TTC38: variants seen among roughly 807,000 people sequenced by gnomAD.
TTC38 encodes tetratricopeptide repeat protein 38.
Under a neutral mutation model 64.2 loss-of-function variants are expected in TTC38, and 64 were observed. That is an observed-to-expected ratio of 1.00 (90% CI 0.81 to 1.23). The LOEUF (loss-of-function observed/expected upper bound fraction) is 1.23, where lower values mean the gene tolerates loss of function less well. Among genes scored for constraint, TTC38 ranks in the 50% most tolerant of loss-of-function variants. The probability of loss-of-function intolerance (pLI) is 0.00; values close to 1 mark genes in which losing one functional copy is unlikely to be tolerated. For missense variants in TTC38, 573 were observed against 615.5 expected, an observed-to-expected ratio of 0.93 and a Z score of 0.73; for synonymous variants, 254 against 249.3, an observed-to-expected ratio of 1.02 and a Z score of -0.18.
Position 46,281,880 on chromosome 22 carries a change from A to C in TTC38, c.735+162A>C. On this transcript the variant is annotated intron_variant, in intron 7 of 13. Transcript: ENST00000381031. The surrounding 1 kb of genome is among the most constrained non-coding windows in gnomAD (Gnocchi z 5.2). ...CTCAGGTGTTTGGCTGCTGAGCAGA[A>C]TGCAATCAAGATTCCAGTCCCCACC... 1.0e-6 allele frequency: 1 copy of C among 961,962 alleles called. No homozygotes were observed. The highest frequency in any genetic ancestry group is 1.6e-6 in the Non-Finnish European group (1 of 626,788). The allele number at this position is 961,962 out of a possible 1,614,324, so 59.6% of individuals were successfully genotyped here. A position where few individuals can be genotyped will look rare whatever the true frequency, so the allele number is the denominator to read the frequency against.
At chr22:46,279,788 G>A (rs919909069) in intron 6 of TTC38, among the ~76,000 whole-genome samples, 3 of 152,186 alleles carry the variant, frequency 2.0e-5, no homozygotes, top group African/African-American at 7.2e-5. Context: ...TGGGTGACCA[G>A]ACAGCACCAT....
rs544502220 is a variant in TTC38 at position 46,273,427 on chromosome 22, G to A, written c.194-471G>A. Among the ~76,000 whole-genome samples, 269 of 152,328 alleles carry A rather than the reference G, an allele frequency of 1.8e-3. No homozygotes were observed. The highest frequency in any genetic ancestry group is 3.7e-3 in the South Asian group (18 of 4,826). On this transcript the variant is annotated intron_variant, in intron 3 of 13. Coordinates refer to ENST00000381031, the MANE Select transcript of TTC38 (RefSeq NM_017931.4). The surrounding 1 kb of genome is among the most constrained non-coding windows in gnomAD (Gnocchi z 5.1). ...CTCCTGCCAGCAAGGCTGCTGCGAG[G>A]GCCACAAGGCACTCACCCCCACCCT...
In TTC38 at chr22:46,292,814, C is replaced by T. The variant is rs776748245; in HGVS notation, c.1340C>T (p.Ala447Val). Residue 447 changes from alanine to valine, a missense_variant, in exon 14 of 14, where the codon GCC becomes GTC. Physicochemically the swap from Ala to Val is moderately conservative, Grantham distance 64. Around this residue, in one of 3 missense-constraint regions of TTC38, gnomAD observed 371 missense variants for 381.8 expected, o/e 0.97. Transcript: ENST00000381031. The surrounding 1 kb of genome is among the most constrained non-coding windows in gnomAD (Gnocchi z 6.5). ...AGGAGCCTTCTGATGGAGCGTGATGCCTTGAAGCCCAACTCGCCCCTGACC... is the reference window on the plus strand; with the variant it reads ...AGGAGCCTTCTGATGGAGCGTGATGTCTTGAAGCCCAACTCGCCCCTGACC... ...VARSLLMERD[A>V]LKPNSPLTER... The T allele has an allele frequency of 8.1e-6, 13 of 1,614,020 alleles. No individual in the cohort carries two copies. Among genetic ancestry groups the T allele is most frequent in the African/African-American group, 1.3e-5 (1 of 75,068 alleles).
At chr22:46,283,096 T>A (rs1003088653) in intron 7 of TTC38, among the ~76,000 whole-genome samples, 1 of 151,218 alleles carries the variant, frequency 6.6e-6, no homozygotes, top group Non-Finnish European at 1.5e-5. Context: ...ACCTGGCTAA[T>A]TAAAAAAATT....
In TTC38 at chr22:46,274,695, C is replaced by G. The variant is rs557832935; in HGVS notation, c.366-553C>G. On this transcript the variant is annotated intron_variant, in intron 4 of 13. Transcript: ENST00000381031. This position sits in a 1 kb window ranked among gnomAD's most constrained non-coding sequence, Gnocchi z 4.8. Reference sequence around the variant, plus strand: ...TCAGAGACTTCCTGTGGCTGTCTCACGGTCTCCACTGGGATTATCTTTGGC... The same window carrying G: ...TCAGAGACTTCCTGTGGCTGTCTCAGGGTCTCCACTGGGATTATCTTTGGC... Among the ~76,000 whole-genome samples the G allele has an allele frequency of 6.6e-6, 1 of 151,400 alleles. No individual in the cohort carries two copies.
Position 46,276,824 on chromosome 22 carries a change from AATAT to A in TTC38, c.539+1417_539+1420del, listed in dbSNP as rs57859102. 1.4e-4 allele frequency among the ~76,000 whole-genome samples: 19 copies of A among 139,556 alleles called. No individual in the cohort carries two copies. Among genetic ancestry groups the A allele is most frequent in the African/African-American group, 5.0e-4 (18 of 36,132 alleles). 91.6% of individuals were successfully genotyped at this position (139,556 alleles called of 152,430 possible). On this transcript the variant is annotated intron_variant, in intron 5 of 13. Transcript: ENST00000381031. This position sits in a 1 kb window ranked among gnomAD's most constrained non-coding sequence, Gnocchi z 4.7. Reference sequence around the variant, plus strand: ...ATTATATATTAAAATATATATATTAAATATATATATATATATAAACATATATATA... The same window carrying A: ...ATTATATATTAAAATATATATATTAAATATATATATATAAACATATATATA...
rs1244846333 is a variant in TTC38 at position 46,291,319 on chromosome 22, A to T, written c.1316+1420A>T. 1.3e-5 allele frequency among the ~76,000 whole-genome samples: 2 copies of T among 151,816 alleles called. No individual in the cohort carries two copies. The highest frequency in any genetic ancestry group is 2.9e-5 in the Non-Finnish European group (2 of 67,960). On this transcript the variant is annotated intron_variant, in intron 13 of 13. Transcript: ENST00000381031. This position sits in a 1 kb window ranked among gnomAD's most constrained non-coding sequence, Gnocchi z 4.6. Reference sequence around the variant, plus strand: ...GTGTGGACAGGAGGGCTGAGGATGGAGCTGGGGTGACATCTGTGGGGCAGT... The same window carrying T: ...GTGTGGACAGGAGGGCTGAGGATGGTGCTGGGGTGACATCTGTGGGGCAGT...
intron 5 of TTC38, among the ~76,000 whole-genome samples, chr22:46,277,649 C>T (rs1293667461): frequency 6.8e-6 from 1 of 147,348 alleles, no homozygotes; most frequent in Non-Finnish European, 1.5e-5. Flanking sequence ...TGGAAGCGTG[C>T]AATTATTCAG....
chr22:46,273,855 C>A lies in TTC38; in HGVS notation c.194-43C>A. On this transcript the variant is annotated intron_variant, in intron 3 of 13. Transcript: ENST00000381031. The surrounding 1 kb of genome is among the most constrained non-coding windows in gnomAD (Gnocchi z 5.1). ...GGAGTCTGGGCTGGGATGGGCTGAGCTGGACCATCTGAACCACCAGCCGTT... is the reference window on the plus strand; with the variant it reads ...GGAGTCTGGGCTGGGATGGGCTGAGATGGACCATCTGAACCACCAGCCGTT... The A allele has an allele frequency of 6.2e-7, 1 of 1,606,700 alleles. No individual in the cohort carries two copies. The highest frequency in any genetic ancestry group is 8.5e-7 in the Non-Finnish European group (1 of 1,174,866).
rs2077493220 is a variant in TTC38, at chr22:46,276,834, T to TAC, written c.539+1414_539+1415insCA. Reference sequence around the variant, plus strand: ...AAAATATATATATTAAATATATATATATATATAAACATATATATATATAAA... The same window carrying TAC: ...AAAATATATATATTAAATATATATATACATATATAAACATATATATATATAAA... On this transcript the variant is annotated intron_variant, in intron 5 of 13. Transcript: ENST00000381031. The surrounding 1 kb of genome is among the most constrained non-coding windows in gnomAD (Gnocchi z 4.7). 6.9e-6 allele frequency among the ~76,000 whole-genome samples: 1 copy of TAC among 143,950 alleles called. No individual in the cohort carries two copies. Among genetic ancestry groups the TAC allele is most frequent in the Admixed American group, 7.0e-5 (1 of 14,270 alleles). 94.4% of individuals were successfully genotyped at this position (143,950 alleles called of 152,430 possible).
chr22:46,281,848 C>G lies in TTC38; in HGVS notation c.735+130C>G, dbSNP rs543886357. On this transcript the variant is annotated intron_variant, in intron 7 of 13. Transcript: ENST00000381031. The surrounding 1 kb of genome is among the most constrained non-coding windows in gnomAD (Gnocchi z 5.2). ...GGGGTTCCCTCTCCTCCTCCACCTGCACCTGCCTCAGGTGTTTGGCTGCTG... is the reference window on the plus strand; with the variant it reads ...GGGGTTCCCTCTCCTCCTCCACCTGGACCTGCCTCAGGTGTTTGGCTGCTG... 6.3e-5 allele frequency: 78 copies of G among 1,230,646 alleles called. 1 individual carries two copies. The highest frequency in any genetic ancestry group is 8.9e-5 in the Non-Finnish European group (76 of 857,370). 76.2% of individuals were successfully genotyped at this position (1,230,646 alleles called of 1,614,324 possible). A position where few individuals can be genotyped will look rare whatever the true frequency, so the allele number is the denominator to read the frequency against.
chr22:46,269,128 C>T (rs1936836496), intron 2 of TTC38: 2 of 439,624 alleles, frequency 4.5e-6, no homozygotes, highest in East Asian at 8.0e-5. Flanking sequence ...TCTGCACTCT[C>T]CCTTCTTCCC....
Position 46,270,583 on chromosome 22 carries a change from A to G in TTC38, c.112-1752A>G, listed in dbSNP as rs1278576613. ...CGCGGTGACTCACGCCTGTAATCCC[A>G]GCACTTTGGGAGGCTGAGGCAGGTG... On this transcript the variant is annotated intron_variant, in intron 2 of 13. Transcript: ENST00000381031. The surrounding 1 kb of genome is among the most constrained non-coding windows in gnomAD (Gnocchi z 4.7). Among the ~76,000 whole-genome samples the G allele has an allele frequency of 6.6e-6, 1 of 152,252 alleles. No homozygotes were observed.
rs1390834305 is a variant in TTC38, at chr22:46,273,650, A to G, written c.194-248A>G. ...ATTGAAGGGGGAAGGTGCTTTAGAC[A>G]CTGGCACTCAGCAGAATGCCCTCAC... On this transcript the variant is annotated intron_variant, in intron 3 of 13. Coordinates refer to ENST00000381031, the MANE Select transcript of TTC38 (RefSeq NM_017931.4). The surrounding 1 kb of genome is among the most constrained non-coding windows in gnomAD (Gnocchi z 5.1). Among the ~76,000 whole-genome samples the G allele has an allele frequency of 1.3e-5, 2 of 152,316 alleles. No homozygotes were observed. Among genetic ancestry groups the G allele is most frequent in the Non-Finnish European group, 2.9e-5 (2 of 68,016 alleles).
rs535052289 is a variant in TTC38, at chr22:46,293,261, C to T, written c.*377C>T. The T allele has an allele frequency of 4.3e-6, 1 of 231,826 alleles. No homozygotes were observed. The highest frequency in any genetic ancestry group is 8.8e-6 in the Non-Finnish European group (1 of 113,712). The allele number at this position is 231,826 out of a possible 1,614,324, so 14.4% of individuals were successfully genotyped here. On this transcript the variant is annotated 3_prime_UTR_variant, in exon 14 of 14. Coordinates refer to ENST00000381031, the MANE Select transcript of TTC38 (RefSeq NM_017931.4). The surrounding 1 kb of genome is among the most constrained non-coding windows in gnomAD (Gnocchi z 6.6). Reference sequence around the variant, plus strand: ...AGGTCTTCCAGAGGCAGCCTCCCCCCACTGCCTGTCCCCGTCCCCACCAGG... The same window carrying T: ...AGGTCTTCCAGAGGCAGCCTCCCCCTACTGCCTGTCCCCGTCCCCACCAGG...
At chr22:46,284,232 A>G (rs2077555776) in intron 8 of TTC38, among the ~76,000 whole-genome samples, 200 bp downstream of exon 8, 1 of 152,238 alleles carries the variant, frequency 6.6e-6, no homozygotes, top group Admixed American at 6.5e-5. Context: ...TCTGTGGTGT[A>G]TAACTTGCAG....
Position 46,292,973 on chromosome 22 carries a change from G to A in TTC38, c.*89G>A, listed in dbSNP as rs949768716. 1.1e-4 allele frequency: 109 copies of A among 1,010,104 alleles called. No homozygotes were observed. The highest frequency in any genetic ancestry group is 1.0e-3 in the Middle Eastern group (4 of 3,990). 62.6% of individuals were successfully genotyped at this position (1,010,104 alleles called of 1,614,324 possible). A position where few individuals can be genotyped will look rare whatever the true frequency, so the allele number is the denominator to read the frequency against. On this transcript the variant is annotated 3_prime_UTR_variant, in exon 14 of 14. Transcript: ENST00000381031. This position sits in a 1 kb window ranked among gnomAD's most constrained non-coding sequence, Gnocchi z 6.5. The stretch of plus-strand genomic sequence containing the variant: ...CTCCACCGGGTTAGGGTCAGGAGAC[G>A]GCCAGAGCCTGTTTGTTAGGGCTGT...
chr22:46,271,549 G>A lies in TTC38; in HGVS notation c.112-786G>A, dbSNP rs928342919. On this transcript the variant is annotated intron_variant, in intron 2 of 13. Transcript: ENST00000381031. This position sits in a 1 kb window ranked among gnomAD's most constrained non-coding sequence, Gnocchi z 5.5. ...TTTTCTCTGTCACCCAGGCTGGGGTGCAGTGGCACGATCTCAGCTCACTGC... is the reference window on the plus strand; with the variant it reads ...TTTTCTCTGTCACCCAGGCTGGGGTACAGTGGCACGATCTCAGCTCACTGC... Among the ~76,000 whole-genome samples the A allele has an allele frequency of 2.6e-5, 4 of 152,100 alleles. No homozygotes were observed. Among genetic ancestry groups the A allele is most frequent in the African/African-American group, 9.7e-5 (4 of 41,416 alleles).
rs149882730 is a variant in TTC38, at chr22:46,281,910, G to A, written c.735+192G>A. The A allele has an allele frequency of 3.3e-4, 249 of 750,192 alleles. No homozygotes were observed. Among genetic ancestry groups the A allele is most frequent in the Non-Finnish European group, 4.1e-4 (180 of 437,254 alleles). The allele number at this position is 750,192 out of a possible 1,614,324, so 46.5% of individuals were successfully genotyped here. ...ATCAAGATTCCAGTCCCCACCCCAGGCCCATACCTTGCCCTAGGGACTCCA... is the reference window on the plus strand; with the variant it reads ...ATCAAGATTCCAGTCCCCACCCCAGACCCATACCTTGCCCTAGGGACTCCA... On this transcript the variant is annotated intron_variant, in intron 7 of 13. Transcript: ENST00000381031. The surrounding 1 kb of genome is among the most constrained non-coding windows in gnomAD (Gnocchi z 5.2).
Sources: gnomAD v4.1 joint callset for allele counts (sites outside exome capture counted in the v4.1 genomes callset) on GRCh38, gnomAD v4.1.1 for gene constraint, gnomAD v4.1.1 regional missense constraint, Gnocchi (gnomAD v3.1) non-coding constraint, MANE v1.5 for transcripts, NCBI Gene and HGNC (gene_info 2026-07-23, HGNC 2026-07-21) for gene names.